Variants in ITPR2 observed in about 807,000 individuals in gnomAD.
The protein encoded by ITPR2 is inositol 1,4,5-trisphosphate receptor type 2, also known as inositol 1,4,5-trisphosphate-gated calcium channel ITPR2.
ITPR2 carries 207 observed loss-of-function variants against 317.1 expected under a neutral mutation model. The observed-to-expected ratio is 0.65, with a 90% CI of 0.58 to 0.73. ITPR2 has a LOEUF of 0.73. Ranked by LOEUF, ITPR2 falls within the 30% of genes least tolerant of loss-of-function variation. ITPR2 has a pLI of 0.00. For missense variants in ITPR2, 2,613 were observed against 3,284.0 expected (o/e 0.80, Z 4.99); for synonymous variants, 1,156 against 1,149.1 (o/e 1.01, Z -0.12).
chr12:26,593,729 A>ATTT (rs10633886), intron 32 of ITPR2, among the ~76,000 whole-genome samples: 4 of 85,722 alleles, frequency 4.7e-5, no homozygotes, highest in Non-Finnish European at 9.5e-5. Flanking sequence ...AATCATTGCT[A>ATTT]TTTTTTTGTT....
chr12:26,513,926 T>G (rs1267315536), intron 37 of ITPR2, among the ~76,000 whole-genome samples: 3 of 136,542 alleles, frequency 2.2e-5, no homozygotes, highest in African/African-American at 8.0e-5. Flanking sequence ...CTTGTTGTGT[T>G]TCCACCAAAT....
At chr12:26,544,438 G>C (rs2136990723) in intron 37 of ITPR2, among the ~76,000 whole-genome samples, 1 of 152,050 alleles carries the variant, frequency 6.6e-6, no homozygotes, top group South Asian at 2.1e-4. Flanking sequence ...ATCATACAGA[G>C]AAGGCTAACA....
chr12:26,772,280 A>T (rs80047668), intron 2 of ITPR2, among the ~76,000 whole-genome samples: 2 of 151,232 alleles, frequency 1.3e-5, no homozygotes, highest in Non-Finnish European at 2.9e-5. Context: ...TGCCATCTCA[A>T]TTAAGAAGCT....
At chr12:26,509,992 GTGTGTGTGT>G in intron 37 of ITPR2, among the ~76,000 whole-genome samples, 1 of 127,218 alleles carries the variant, frequency 7.9e-6, no homozygotes, top group African/African-American at 2.9e-5. Flanking sequence ...GTGTGTGTGT[GTGTGTGTGT>G]GTGGTGGGGG....
At chr12:26,502,592 C>T (rs1189821510) in intron 37 of ITPR2, among the ~76,000 whole-genome samples, 1 of 152,210 alleles carries the variant, frequency 6.6e-6, no homozygotes, top group East Asian at 1.9e-4. Context: ...GCATGCTCAC[C>T]AAAGACTGGG....
intron 2 of ITPR2, among the ~76,000 whole-genome samples, chr12:26,743,805 C>T (rs1430346295): frequency 4.6e-5 from 7 of 152,180 alleles, no homozygotes; most frequent in Non-Finnish European, 1.0e-4. Flanking sequence ...GCAGGAGAAT[C>T]ACTTGAACCC....
chr12:26,802,408 G>A (rs903735811), intron 1 of ITPR2, among the ~76,000 whole-genome samples: 11 of 152,032 alleles, frequency 7.2e-5, no homozygotes, highest in East Asian at 3.8e-4. Context: ...AGCACTTTGC[G>A]AGGCCGAGGC....
chr12:26,556,490 C>T, intron 35 of ITPR2, 115 bp from the exon 36 acceptor site: 1 of 936,566 alleles, frequency 1.1e-6, no homozygotes, highest in Non-Finnish European at 1.6e-6. Flanking sequence ...CCTCTATTTC[C>T]ATAGCAGCAA....
rs1052723815 is a variant in ITPR2, at chr12:26,663,943, T to C, written c.1552-97A>G. On this transcript the variant is annotated intron_variant, in intron 14 of 56. Transcript: ENST00000381340. ...AGAACATTGATTCAAAAAACACTTA[T>C]ATAAATTTGAGTATTAGAGTAAACG... The C allele has an allele frequency of 1.1e-5, 12 of 1,140,752 alleles. No individual in the cohort carries two copies. The Admixed American group carries it at 2.0e-4, about 19-fold the overall frequency. 70.7% of individuals were successfully genotyped at this position (1,140,752 alleles called of 1,614,324 possible). A position where few individuals can be genotyped will look rare whatever the true frequency, so the allele number is the denominator to read the frequency against.
At chr12:26,579,911 T>C (rs1945357633) in intron 33 of ITPR2, 116 bp downstream of exon 33, 5 of 722,496 alleles carry the variant, frequency 6.9e-6, no homozygotes, top group African/African-American at 1.8e-5. Flanking sequence ...GTAAATAATA[T>C]AAGAGAAGAA....
chr12:26,338,390 T>C lies in ITPR2; in HGVS notation c.*1007A>G, dbSNP rs1937990483. 1 of 152,632 alleles carries C rather than the reference T, an allele frequency of 6.6e-6. No homozygotes were observed. The highest frequency in any genetic ancestry group is 2.4e-5 in the African/African-American group (1 of 41,442). 9.5% of individuals were successfully genotyped at this position (152,632 alleles called of 1,614,324 possible). On this transcript the variant is annotated 3_prime_UTR_variant, in exon 57 of 57. Transcript: ENST00000381340. Reference sequence around the variant, plus strand: ...AGTATTCAATACATTTCTTGGATTTTTTTTTCCTAACTGCAGGAACAGCAT... The same window carrying C: ...AGTATTCAATACATTTCTTGGATTTCTTTTTCCTAACTGCAGGAACAGCAT...
intron 13 of ITPR2, among the ~76,000 whole-genome samples, chr12:26,669,880 C>A (rs1019123481): frequency 1.4e-4 from 22 of 152,244 alleles, no homozygotes; most frequent in African/African-American, 5.1e-4. Flanking sequence ...TAAAAAACGG[C>A]GCACCAGGAG....
intron 45 of ITPR2, among the ~76,000 whole-genome samples, chr12:26,462,673 CTTT>C (rs1555134095): frequency 4.8e-5 from 3 of 62,754 alleles, no homozygotes; most frequent in Non-Finnish European, 9.9e-5. Context: ...AGCTTTCTTT[CTTT>C]TTTTTTTTTT....
chr12:26,638,285 A>G (rs929998887), intron 21 of ITPR2, among the ~76,000 whole-genome samples: 29 of 152,266 alleles, frequency 1.9e-4, no homozygotes, highest in African/African-American at 7.0e-4. Flanking sequence ...GAAGTAATAA[A>G]TGAATGTACA....
intron 8 of ITPR2, among the ~76,000 whole-genome samples, chr12:26,713,361 A>G (rs1008005537): frequency 2.0e-5 from 3 of 152,230 alleles, no homozygotes; most frequent in African/African-American, 7.2e-5. Flanking sequence ...CACAATAGAG[A>G]AAAGTCCCTC....
intron 50 of ITPR2, among the ~76,000 whole-genome samples, chr12:26,417,868 G>A (rs1417216968): frequency 6.6e-6 from 1 of 152,152 alleles, no homozygotes; most frequent in East Asian, 1.9e-4. Flanking sequence ...CTATACTTCA[G>A]TAAAGTGGTT....
chr12:26,680,220 A>T (rs1328913793), intron 13 of ITPR2, among the ~76,000 whole-genome samples: 1 of 152,132 alleles, frequency 6.6e-6, no homozygotes, highest in Non-Finnish European at 1.5e-5. Context: ...CAAGAAAAAC[A>T]CTCACAAAAT....
chr12:26,800,339 T>A (rs910955600), intron 1 of ITPR2, among the ~76,000 whole-genome samples: 2 of 152,180 alleles, frequency 1.3e-5, no homozygotes, highest in Non-Finnish European at 2.9e-5. Flanking sequence ...CAAGTTACTA[T>A]GCATGAGTCA....
intron 1 of ITPR2, among the ~76,000 whole-genome samples, chr12:26,798,203 C>A (rs530757230): frequency 6.6e-6 from 1 of 152,210 alleles, no homozygotes; most frequent in African/African-American, 2.4e-5. Context: ...CACTTAGAAG[C>A]AGCAGTAGAA....
Sources: gnomAD v4.1 joint callset for allele counts (sites outside exome capture counted in the v4.1 genomes callset) on GRCh38, gnomAD v4.1.1 for gene constraint, MANE v1.5 for transcripts, NCBI Gene and HGNC (gene_info 2026-07-23, HGNC 2026-07-21) for gene names.